The following VIRMA variants were observed in gnomAD, a reference collection of about 807,000 sequenced individuals.
The protein encoded by VIRMA is protein virilizer homolog.
A neutral mutation model predicts 182.4 loss-of-function variants in VIRMA; 65 were observed. The ratio of observed to expected loss-of-function variants is 0.36; its 90% CI spans 0.29 to 0.44. The LOEUF (loss-of-function observed/expected upper bound fraction) is 0.44, where lower values mean the gene tolerates loss of function less well. VIRMA is among the 20% of genes least tolerant of loss of function. The pLI, the probability that VIRMA is intolerant of heterozygous loss-of-function variation, is 1.00. For missense variants in VIRMA, 1,752 were observed against 2,158.1 expected (o/e 0.81, Z 3.73); for synonymous variants, 709 against 743.1 (o/e 0.95, Z 0.75).
At chr8:94,514,166 A>T (rs1814475498) in intron 11 of VIRMA, among the ~76,000 whole-genome samples, 1 of 152,220 alleles carries the variant, frequency 6.6e-6, no homozygotes, top group African/African-American at 2.4e-5. Context: ...CTGCGAAATG[A>T]GAGAGATAAT....
chr8:94,505,864 C>T (rs1814136340), intron 16 of VIRMA, among the ~76,000 whole-genome samples: 1 of 151,936 alleles, frequency 6.6e-6, no homozygotes, highest in African/African-American at 2.4e-5. Context: ...CTCTCCATAC[C>T]CATGGATTCT....
rs962953719 is a variant in VIRMA, at chr8:94,525,941, T to C, written c.2021+282A>G. 2.6e-5 allele frequency among the ~76,000 whole-genome samples: 4 copies of C among 152,342 alleles called. No individual in the cohort carries two copies. In the South Asian group the frequency reaches 8.3e-4, roughly 32 times the overall value. On this transcript the variant is annotated intron_variant, in intron 8 of 23. Coordinates refer to ENST00000297591, the MANE Select transcript of VIRMA (RefSeq NM_015496.5). Reference sequence around the variant, plus strand: ...CACCTTCCCAGAAGCAAGTCAGCAGTTTCTCATTTATTCTTGCTCATAGAC... The same window carrying C: ...CACCTTCCCAGAAGCAAGTCAGCAGCTTCTCATTTATTCTTGCTCATAGAC...
chr8:94,505,947 A>G (rs1814139103), intron 16 of VIRMA, among the ~76,000 whole-genome samples: 3 of 152,232 alleles, frequency 2.0e-5, no homozygotes, highest in Non-Finnish European at 4.4e-5. Context: ...ATAAAAAAAT[A>G]CAAATTTTAA....
Position 94,512,018 on chromosome 8 carries a change from T to C in VIRMA, c.2823A>G (p.Ala941=). The change falls in exon 12 of 24, where the codon GCA becomes GCG. Residue 941 remains alanine, a synonymous_variant. Transcript: ENST00000297591. ...TACCTTCAACAGGAGGTGGTGGGCA[T>C]GCAACATTACAGAGAACACGTAAGG... ...TTALRVLCNV[A]CPPPPVEGQQ... The C allele has an allele frequency of 6.5e-7, 1 of 1,531,076 alleles. No homozygotes were observed. The highest frequency in any genetic ancestry group is 8.8e-7 in the Non-Finnish European group (1 of 1,137,662). 94.8% of individuals were successfully genotyped at this position (1,531,076 alleles called of 1,614,324 possible).
chr8:94,537,284 G>T, intron 3 of VIRMA, 133 bp from the exon 4 acceptor site: 1 of 679,970 alleles, frequency 1.5e-6, no homozygotes, highest in Non-Finnish European at 2.5e-6. Context: ...AAACCACAAA[G>T]TTTGAGTTTA....
At position 94,495,846 on chromosome 8, in the gene VIRMA, C is replaced by T; in HGVS notation, c.4429G>A (p.Val1477Ile). Reference sequence around the variant, plus strand: ...TCCAGCATCTGCTTAAGTCCAACTACACTGTCCAACAAAGAATCCAGATTG... The same window carrying T: ...TCCAGCATCTGCTTAAGTCCAACTATACTGTCCAACAAAGAATCCAGATTG... ...DDNLDSLLDS[V>I]VGLKQMLESS... The change falls in exon 19 of 24, where the codon GTA becomes ATA. Residue 1477 changes from valine to isoleucine, a missense_variant. Coordinates refer to ENST00000297591, the MANE Select transcript of VIRMA (RefSeq NM_015496.5). 6.2e-7 allele frequency: 1 copy of T among 1,613,946 alleles called. No homozygotes were observed. The highest frequency in any genetic ancestry group is 8.5e-7 in the Non-Finnish European group (1 of 1,179,892).
chr8:94,512,737 A>G (rs1378477486), intron 11 of VIRMA, among the ~76,000 whole-genome samples: 2 of 152,188 alleles, frequency 1.3e-5, no homozygotes, highest in African/African-American at 2.4e-5. Context: ...TGATTGTGCC[A>G]TTGCACTCCA....
chr8:94,491,118 AG>A (rs1336082846), intron 22 of VIRMA, among the ~76,000 whole-genome samples: 12 of 150,706 alleles, frequency 8.0e-5, no homozygotes, highest in African/African-American at 2.7e-4. Flanking sequence ...GTTTGAGACT[AG>A]CCTGGCAAAC....
chr8:94,509,858 C>G lies in VIRMA; in HGVS notation c.3709G>C (p.Ala1237Pro). ...ALLDALASHK[A>P]CKLAILHLIN... ...AGATGCAAAATAGCTAATTTACAAG[C>G]TTTGTGTGAAGCCAGAGCATCAAGA... Residue 1237 changes from alanine to proline, a missense_variant, in exon 15 of 24, where the codon GCT (alanine) becomes CCT (proline). Ala to Pro is a conservative substitution (Grantham distance 27). Coordinates refer to ENST00000297591, the MANE Select transcript of VIRMA (RefSeq NM_015496.5). 4.3e-6 allele frequency: 7 copies of G among 1,613,968 alleles called. No individual in the cohort carries two copies. Among genetic ancestry groups the G allele is most frequent in the Non-Finnish European group, 5.9e-6 (7 of 1,179,896 alleles).
At chr8:94,553,308 G>T in intron 1 of VIRMA, 77 bp downstream of exon 1, 1 of 1,402,242 alleles carries the variant, frequency 7.1e-7, no homozygotes, top group Non-Finnish European at 1.0e-6. Flanking sequence ...AGAAGGAAAA[G>T]TGGAGAACGC....
rs1814979469 is a variant in VIRMA, at chr8:94,526,626, A to T, written c.1618T>A (p.Leu540Ile). 4 of 1,614,186 alleles carry T rather than the reference A, an allele frequency of 2.5e-6. No homozygotes were observed. The highest frequency in any genetic ancestry group is 3.4e-6 in the Non-Finnish European group (4 of 1,180,036). ...GTAACAACCCTCACAGTCTGATCTA[A>T]AAGTATGAGTTCCAGAAGCTTTTGA... ...GYQKLLELILLDQTVRVVTAG... is the reference protein window; with the variant it reads ...GYQKLLELILIDQTVRVVTAG... The change falls in exon 8 of 24, where the codon TTA becomes ATA. Residue 540 changes from leucine (L) to isoleucine (I), a missense_variant. This residue lies in a region of VIRMA where 401 missense variants were observed against 455.1 expected (regional missense o/e 0.88). Coordinates refer to ENST00000297591, the MANE Select transcript of VIRMA (RefSeq NM_015496.5).
At chr8:94,529,853 T>TGGTCTCGAACTCCTGACCTCAGGTA (rs1377880487) in intron 6 of VIRMA, among the ~76,000 whole-genome samples, 2 of 152,184 alleles carry the variant, frequency 1.3e-5, no homozygotes, top group African/African-American at 4.8e-5. Flanking sequence ...TTGGCCAGGC[T>TGGTCTCGAACTCCTGACCTCAGGTA]GGTCTCGAAC....
At chr8:94,512,250 G>A (rs894542786) in intron 11 of VIRMA, 161 bp from the exon 12 acceptor site, 11 of 315,062 alleles carry the variant, frequency 3.5e-5, no homozygotes, top group African/African-American at 2.2e-4. Context: ...AGGCCCTAGA[G>A]TTAAATGAAT....
intron 8 of VIRMA, among the ~76,000 whole-genome samples, chr8:94,520,756 C>T (rs1391434876): frequency 6.6e-6 from 1 of 152,082 alleles, no homozygotes; most frequent in Non-Finnish European, 1.5e-5. Flanking sequence ...GGTCTGAGAA[C>T]CAATTTTGCA....
chr8:94,548,769 C>G (rs1327342132), intron 1 of VIRMA, among the ~76,000 whole-genome samples: 2 of 152,188 alleles, frequency 1.3e-5, no homozygotes, highest in Non-Finnish European at 2.9e-5. Flanking sequence ...CATTCTCCTA[C>G]CTCAGCCTCC....
rs1813887684 is a variant in VIRMA, at chr8:94,499,211, G to A, written c.4230+163C>T. ...AGACAGGGTCTCACTATTTTGCCCA[G>A]GCTGGTCTCAAACTCCTGGCCCCAA... On this transcript the variant is annotated intron_variant, in intron 17 of 23. Transcript: ENST00000297591. 1.4e-5 allele frequency: 6 copies of A among 440,976 alleles called. No homozygotes were observed. In the South Asian group the frequency reaches 2.4e-4, roughly 18 times the overall value. 27.3% of individuals were successfully genotyped at this position (440,976 alleles called of 1,614,324 possible).
Position 94,512,048 on chromosome 8 carries a change from G to C in VIRMA, c.2793C>G (p.Thr931=). ...CATTACAGAGAACACGTAAGGCAGT[G>C]GTAAGGCCAACTCCTTCTGGGGTCA... ...NLMTPEGVGL[T]TALRVLCNVA... The change falls in exon 12 of 24, where the codon ACC becomes ACG. Residue 931 remains threonine, a synonymous_variant. Transcript: ENST00000297591. The C allele has an allele frequency of 6.5e-7, 1 of 1,529,750 alleles. No homozygotes were observed. The allele number at this position is 1,529,750 out of a possible 1,614,324, so 94.8% of individuals were successfully genotyped here.
chr8:94,544,695 A>G (rs1815701020), intron 1 of VIRMA, among the ~76,000 whole-genome samples: 2 of 150,408 alleles, frequency 1.3e-5, no homozygotes, highest in Middle Eastern at 7.0e-3. Flanking sequence ...AAAAAAGATT[A>G]TAACAAGCAC....
intron 22 of VIRMA, 89 bp downstream of exon 22, chr8:94,491,489 T>G: frequency 8.1e-7 from 1 of 1,236,568 alleles, no homozygotes; most frequent in Admixed American, 2.2e-5. Context: ...AAACTGTTTA[T>G]CTGAATCTCT....
Sources: gnomAD v4.1 joint callset for allele counts (sites outside exome capture counted in the v4.1 genomes callset) on GRCh38, gnomAD v4.1.1 for gene constraint, gnomAD v4.1.1 regional missense constraint, MANE v1.5 for transcripts, NCBI Gene and HGNC (gene_info 2026-07-23, HGNC 2026-07-21) for gene names.